TCF4: variants seen among roughly 807,000 people sequenced by gnomAD.
TCF4 encodes transcription factor 4.
TCF4 carries 3 observed loss-of-function variants against 82.1 expected under a neutral mutation model. That is an observed-to-expected ratio of 0.04 (90% confidence interval 0.02 to 0.09). TCF4 has a LOEUF of 0.09. Among genes scored for constraint, TCF4 ranks in the 10% least tolerant of loss-of-function variants. The pLI is 1.00. For missense variants in TCF4, 518 were observed against 852.7 expected (o/e 0.61, Z 4.89); for synonymous variants, 276 against 309.6 (o/e 0.89, Z 1.14).
chr18:55,359,550 A>C (rs868320981), intron 6 of TCF4, among the ~76,000 whole-genome samples: 1 of 152,336 alleles, frequency 6.6e-6, no homozygotes. Flanking sequence ...GGATAAAATA[A>C]TTTATTAGCT....
chr18:55,317,302 G>T (rs1169388071), intron 8 of TCF4, among the ~76,000 whole-genome samples: 1 of 151,558 alleles, frequency 6.6e-6, no homozygotes, highest in Non-Finnish European at 1.5e-5. Context: ...TTACTTTGTG[G>T]CCTAAGCAAA....
At chr18:55,581,502 C>T (rs1371743133) in intron 3 of TCF4, among the ~76,000 whole-genome samples, 1 of 151,966 alleles carries the variant, frequency 6.6e-6, no homozygotes, top group Non-Finnish European at 1.5e-5. Flanking sequence ...ATGAATTATA[C>T]CATTTACGAT....
Position 55,222,742 on chromosome 18 carries a change from A to G in TCF4, c.*5293T>C, listed in dbSNP as rs942355094. 1 of 152,652 alleles carries G rather than the reference A, an allele frequency of 6.6e-6. No individual in the cohort carries two copies. Among genetic ancestry groups the G allele is most frequent in the Non-Finnish European group, 1.5e-5 (1 of 68,038 alleles). 9.5% of individuals were successfully genotyped at this position (152,652 alleles called of 1,614,324 possible). A position where few individuals can be genotyped will look rare whatever the true frequency, so the allele number is the denominator to read the frequency against. On this transcript the variant is annotated 3_prime_UTR_variant, in exon 20 of 20. Coordinates refer to ENST00000354452, the MANE Select transcript of TCF4 (RefSeq NM_001083962.2). ...GTTGAAATAGCCTCCAAATTTTGCA[A>G]AGTAGATTGATGTCCATTCTACAAA...
At chr18:55,508,356 C>T (rs2096787588) in intron 3 of TCF4, among the ~76,000 whole-genome samples, 1 of 152,184 alleles carries the variant, frequency 6.6e-6, no homozygotes, top group Non-Finnish European at 1.5e-5. Context: ...ACCACCACCA[C>T]TTCTGAAAAT....
At chr18:55,542,253 G>A (rs2097170684) in intron 3 of TCF4, among the ~76,000 whole-genome samples, 1 of 151,868 alleles carries the variant, frequency 6.6e-6, no homozygotes, top group South Asian at 2.1e-4. Flanking sequence ...TCCCATAAAT[G>A]CCATCAACTG....
At chr18:55,589,086 T>C (rs1459233454), upstream of TCF4, among the ~76,000 whole-genome samples, 3 of 152,042 alleles carry the variant, frequency 2.0e-5, no homozygotes, top group Non-Finnish European at 4.4e-5. Flanking sequence ...TAAGCTATTT[T>C]AACGTGTGTT....
chr18:55,367,065 T>C (rs954538812), intron 6 of TCF4, among the ~76,000 whole-genome samples: 3 of 152,194 alleles, frequency 2.0e-5, no homozygotes, highest in Admixed American at 2.0e-4. Context: ...ATGGTAGAGA[T>C]GAAAGTCATC....
chr18:55,527,106 T>C (rs1277457210), intron 3 of TCF4, among the ~76,000 whole-genome samples: 3 of 152,058 alleles, frequency 2.0e-5, no homozygotes, highest in Non-Finnish European at 4.4e-5. Flanking sequence ...TAGGTGAAAA[T>C]AGTAACCTCA....
At position 55,363,981 on chromosome 18, in the gene TCF4, T is replaced by C. The variant is rs1013742542; in HGVS notation, c.370-12978A>G. Among the ~76,000 whole-genome samples the C allele has an allele frequency of 1.3e-5, 2 of 152,144 alleles. 1 individual carries two copies. On this transcript the variant is annotated intron_variant, in intron 6 of 19. Coordinates refer to ENST00000354452, the MANE Select transcript of TCF4 (RefSeq NM_001083962.2). ...ACTGGGGAAGAACATGAACCATTCC[T>C]TTATAAAAGGAATGAATTTGAAATT...
At chr18:55,235,925 C>G (rs1467562026) in intron 15 of TCF4, among the ~76,000 whole-genome samples, 2 of 152,076 alleles carry the variant, frequency 1.3e-5, no homozygotes, top group Non-Finnish European at 2.9e-5. Context: ...GTATCTGAAC[C>G]AACAACAAAT....
At chr18:55,572,227 A>G (rs2097480367) in intron 3 of TCF4, among the ~76,000 whole-genome samples, 1 of 152,236 alleles carries the variant, frequency 6.6e-6, no homozygotes, top group Non-Finnish European at 1.5e-5. Context: ...ACCCATGCCC[A>G]CAGTATTACC....
At chr18:55,523,947 T>C (rs2096955481) in intron 3 of TCF4, among the ~76,000 whole-genome samples, 1 of 152,096 alleles carries the variant, frequency 6.6e-6, no homozygotes, top group South Asian at 2.1e-4. Flanking sequence ...AAACTAAAAG[T>C]CAATTATTTT....
intron 6 of TCF4, among the ~76,000 whole-genome samples, chr18:55,357,547 CT>C (rs934777901): frequency 6.6e-6 from 1 of 152,174 alleles, no homozygotes; most frequent in African/African-American, 2.4e-5. Flanking sequence ...ATTAGCAACA[CT>C]TTTGCTATAA....
chr18:55,257,586 T>C, intron 13 of TCF4, 195 bp from the exon 14 acceptor site: 2 of 612,570 alleles, frequency 3.3e-6, no homozygotes, highest in Non-Finnish European at 5.8e-6. Flanking sequence ...ATGTAGACTT[T>C]ACATAGACTC....
intron 3 of TCF4, among the ~76,000 whole-genome samples, chr18:55,473,320 C>G (rs1053263150): frequency 6.6e-6 from 1 of 152,128 alleles, no homozygotes; most frequent in African/African-American, 2.4e-5. Flanking sequence ...CTACTTCTCC[C>G]AAACGGCATT....
chr18:55,566,211 T>A (rs988804899), intron 3 of TCF4, among the ~76,000 whole-genome samples: 1 of 151,724 alleles, frequency 6.6e-6, no homozygotes, highest in Middle Eastern at 3.4e-3. Flanking sequence ...AGATTCTGCC[T>A]CAAAAACTAA....
At chr18:55,295,609 T>C (rs2066301629) in intron 8 of TCF4, among the ~76,000 whole-genome samples, 1 of 152,220 alleles carries the variant, frequency 6.6e-6, no homozygotes, top group Admixed American at 6.5e-5. Context: ...TTCTCAGGCA[T>C]ACCCATTTGA....
chr18:55,238,244 T>C (rs960028902), intron 15 of TCF4, among the ~76,000 whole-genome samples: 2 of 152,250 alleles, frequency 1.3e-5, no homozygotes, highest in South Asian at 4.1e-4. Flanking sequence ...AGCCAGCTTA[T>C]GAAAATTTTA....
chr18:55,338,343 C>T (rs765693538), intron 8 of TCF4, among the ~76,000 whole-genome samples: 2 of 152,190 alleles, frequency 1.3e-5, no homozygotes, highest in Non-Finnish European at 2.9e-5. Flanking sequence ...AAGCGTGCCA[C>T]AAATCCTTAG....
Sources: gnomAD v4.1 joint callset for allele counts (sites outside exome capture counted in the v4.1 genomes callset) on GRCh38, gnomAD v4.1.1 for gene constraint, MANE v1.5 for transcripts, NCBI Gene and HGNC (gene_info 2026-07-23, HGNC 2026-07-21) for gene names.